ZNF544: variants seen among roughly 807,000 people sequenced by gnomAD.
ZNF544 encodes zinc finger protein AF020591.
In ZNF544, 10 loss-of-function variants were observed where a neutral mutation model predicts 13.5. The ratio of observed to expected loss-of-function variants is 0.74; its 90% CI spans 0.46 to 1.25. The LOEUF (loss-of-function observed/expected upper bound fraction) is 1.25. ZNF544 is among the 50% of genes most tolerant of loss of function. The probability of loss-of-function intolerance (pLI) is 0.00; values close to 1 mark genes in which losing one functional copy is unlikely to be tolerated. For synonymous variants in ZNF544, 323 were observed against 300.5 expected, an observed-to-expected ratio of 1.07 and a Z score of -0.77; for missense variants, 896 against 845.6, an observed-to-expected ratio of 1.06 and a Z score of -0.74.
intron 3 of ZNF544, among the ~76,000 whole-genome samples, chr19:58,243,013 GA>G (rs578077368): frequency 3.2e-4 from 48 of 152,152 alleles, no homozygotes; most frequent in African/African-American, 1.2e-3. Flanking sequence ...TTTTTATAGA[GA>G]GGGGGGTCTC....
intron 3 of ZNF544, among the ~76,000 whole-genome samples, chr19:58,239,951 C>T (rs925578656): frequency 3.9e-5 from 6 of 152,084 alleles, no homozygotes; most frequent in African/African-American, 4.8e-5. Flanking sequence ...AACGGGAGTC[C>T]GGGAGAGACC....
rs2043624942 is a variant in ZNF544, at chr19:58,241,168, TATATATATATA to T, written c.-59-2796_-59-2786del. Among the ~76,000 whole-genome samples, 52 of 88,662 alleles carry T rather than the reference TATATATATATA, an allele frequency of 5.9e-4. 1 individual carries two copies. The South Asian group carries it at 7.8e-3, about 13-fold the overall frequency. The allele number at this position is 88,662 out of a possible 152,430, so 58.2% of individuals were successfully genotyped here. The stretch of plus-strand genomic sequence containing the variant: ...AAATATATATATATATTTAAATATA[TATATATATATA>T]TTTTTTTTTTTTTGTAGAGATAGGG... On this transcript the variant is annotated intron_variant, in intron 3 of 6. Coordinates refer to ENST00000687789, the MANE Select transcript of ZNF544 (RefSeq NM_014480.4).
chr19:58,237,110 G>A (rs563735311), intron 3 of ZNF544, among the ~76,000 whole-genome samples: 1 of 147,818 alleles, frequency 6.8e-6, no homozygotes, highest in Admixed American at 6.8e-5. Flanking sequence ...TGTCACCCAG[G>A]CTGGAGTGCA....
chr19:58,249,084 C>T (rs1026459058), intron 6 of ZNF544, among the ~76,000 whole-genome samples: 6 of 152,122 alleles, frequency 3.9e-5, no homozygotes, highest in South Asian at 2.1e-4. Context: ...ACACAGAAGG[C>T]GGGGGTTGCC....
At chr19:58,267,148 G>A (rs192716313), downstream of ZNF544, 674 of 152,346 alleles carry the variant, frequency 4.4e-3, 6 homozygotes, top group Admixed American at 0.014. Context: ...TGCAACCTTT[G>A]CCTCCCAGGT....
intron 3 of ZNF544, among the ~76,000 whole-genome samples, chr19:58,234,328 C>T (rs1483756841): frequency 1.3e-5 from 2 of 152,184 alleles, no homozygotes; most frequent in Non-Finnish European, 2.9e-5. Flanking sequence ...CTTCCCTTAA[C>T]CTCATCTTGT....
chr19:58,277,352 A>C, exon 7 of ZNF544: 4 of 924,024 alleles, frequency 4.3e-6, no homozygotes, highest in Non-Finnish European at 1.4e-6. Context: ...TCACCCCTTC[A>C]ACACGGTGTG....
chr19:58,242,312 A>G lies in ZNF544; in HGVS notation c.-59-1653A>G. The G allele has an allele frequency of 3.1e-6, 3 of 981,850 alleles. No individual in the cohort carries two copies. In the South Asian group the frequency reaches 1.4e-4, roughly 46 times the overall value. 60.8% of individuals were successfully genotyped at this position (981,850 alleles called of 1,614,324 possible). Reference sequence around the variant, plus strand: ...TCCCAAGCCTTTGAAGGGAAAGGTGAGAACTGCCTAAAAAATACAGCACAG... The same window carrying G: ...TCCCAAGCCTTTGAAGGGAAAGGTGGGAACTGCCTAAAAAATACAGCACAG... On this transcript the variant is annotated intron_variant, in intron 3 of 6. Coordinates refer to ENST00000687789, the MANE Select transcript of ZNF544 (RefSeq NM_014480.4).
In ZNF544 at chr19:58,243,994, C is replaced by G; in HGVS notation, c.-30C>G. 6.2e-7 allele frequency: 1 copy of G among 1,603,442 alleles called. No homozygotes were observed. Among genetic ancestry groups the G allele is most frequent in the African/African-American group, 1.3e-5 (1 of 74,760 alleles). The stretch of plus-strand genomic sequence containing the variant: ...GTCTTCTGAGGACCTCTGCCCTCTA[C>G]ACAGCGGCCTCTTCAGGTGCAGGGA... On this transcript the variant is annotated 5_prime_UTR_variant, in exon 4 of 7. Coordinates refer to ENST00000687789, the MANE Select transcript of ZNF544 (RefSeq NM_014480.4).
At chr19:58,252,827 CATT>C (rs1370679330) in intron 6 of ZNF544, among the ~76,000 whole-genome samples, 1 of 152,138 alleles carries the variant, frequency 6.6e-6, no homozygotes, top group Non-Finnish European at 1.5e-5. Flanking sequence ...TACTTATTAT[CATT>C]ATGTTTTTGA....
chr19:58,260,787 T>TCTCCCC (rs951504614), intron 6 of ZNF544, 64 bp from the exon 7 acceptor site: 2 of 1,442,038 alleles, frequency 1.4e-6, no homozygotes, highest in South Asian at 2.9e-5. Flanking sequence ...GTCTCCTTCA[T>TCTCCCC]CTCCCCCTCC....
intron 6 of ZNF544, among the ~76,000 whole-genome samples, chr19:58,247,948 T>G (rs1484283025): frequency 6.6e-6 from 1 of 151,358 alleles, no homozygotes; most frequent in Admixed American, 6.6e-5. Context: ...AGAGTCTCAC[T>G]CTGTCACCAG....
chr19:58,244,330 C>T (rs996342663), intron 4 of ZNF544, among the ~76,000 whole-genome samples: 6 of 151,938 alleles, frequency 3.9e-5, no homozygotes, highest in Middle Eastern at 6.8e-3. Flanking sequence ...TGTGGTTGCT[C>T]CTCAGGCCCT....
chr19:58,274,500 A>G (rs2051066638), intron 5 of ZNF544, among the ~76,000 whole-genome samples: 1 of 152,190 alleles, frequency 6.6e-6, no homozygotes, highest in Admixed American at 6.6e-5. Flanking sequence ...TGGAACATAT[A>G]CTTTCTTGTA....
At chr19:58,270,324 GAGA>G (rs948316001) in intron 5 of ZNF544, among the ~76,000 whole-genome samples, 15 of 89,562 alleles carry the variant, frequency 1.7e-4, no homozygotes, top group Non-Finnish European at 3.1e-4. Context: ...CTTTTTTTTT[GAGA>G]AGGAGTCTCT....
At chr19:58,265,721 A>G (rs2049783826), downstream of ZNF544, among the ~76,000 whole-genome samples, 1 of 152,010 alleles carries the variant, frequency 6.6e-6, no homozygotes, top group Non-Finnish European at 1.5e-5. Context: ...CCTCCTAAGT[A>G]GCTGGGACCA....
chr19:58,266,311 C>G (rs946973510), downstream of ZNF544, among the ~76,000 whole-genome samples: 1 of 148,200 alleles, frequency 6.7e-6, no homozygotes, highest in Non-Finnish European at 1.5e-5. Context: ...GAGGTCAGAT[C>G]AAGACCATCC....
downstream of ZNF544, chr19:58,266,770 A>G (rs563650491): frequency 3.7e-4 from 56 of 152,212 alleles, no homozygotes; most frequent in African/African-American, 1.2e-3. Flanking sequence ...GTAGGGAAGG[A>G]GTCATGTGCT....
intron 6 of ZNF544, among the ~76,000 whole-genome samples, chr19:58,247,049 C>T (rs1347768472): frequency 1.3e-5 from 2 of 152,120 alleles, no homozygotes; most frequent in Non-Finnish European, 2.9e-5. Context: ...CCATTTAGGC[C>T]TCTTTACTTG....
Sources: gnomAD v4.1 joint callset for allele counts (sites outside exome capture counted in the v4.1 genomes callset) on GRCh38, gnomAD v4.1.1 for gene constraint, MANE v1.5 for transcripts, NCBI Gene and HGNC (gene_info 2026-07-23, HGNC 2026-07-21) for gene names.